ADAMTS2: variants seen among roughly 807,000 people sequenced by gnomAD.
ADAMTS2 encodes the protein A disintegrin and metalloproteinase with thrombospondin motifs 2.
In ADAMTS2, 50 loss-of-function variants were observed where a neutral mutation model predicts 123.0. The observed-to-expected ratio is 0.41, with a 90% CI of 0.32 to 0.51. The LOEUF (loss-of-function observed/expected upper bound fraction) is 0.51, where lower values mean the gene tolerates loss of function less well. Among genes scored for constraint, ADAMTS2 ranks in the 20% least tolerant of loss-of-function variants. ADAMTS2 has a pLI of 0.35. For synonymous variants in ADAMTS2, 678 were observed against 695.4 expected (o/e 0.98, Z 0.39); for missense variants, 1,494 against 1,705.2 (o/e 0.88, Z 2.18).
rs563742467 is a variant in ADAMTS2 at position 179,303,415 on chromosome 5, C to A, written c.535-30351G>T. Among the ~76,000 whole-genome samples the A allele has an allele frequency of 1.3e-5, 2 of 152,148 alleles. No homozygotes were observed. The highest frequency in any genetic ancestry group is 2.9e-5 in the Non-Finnish European group (2 of 68,022). ...GCTGAGGACCCTGCAAAATAAATAACAGCATGCAGATTGGGGAAGAAGACT... is the reference window on the plus strand; with the variant it reads ...GCTGAGGACCCTGCAAAATAAATAAAAGCATGCAGATTGGGGAAGAAGACT... On this transcript the variant is annotated intron_variant, in intron 2 of 21. Coordinates refer to ENST00000251582, the MANE Select transcript of ADAMTS2 (RefSeq NM_014244.5). This position sits in a 1 kb window ranked among gnomAD's most constrained non-coding sequence, Gnocchi z 4.7.
chr5:179,192,907 A>G (rs1001073601), intron 4 of ADAMTS2, among the ~76,000 whole-genome samples: 1 of 152,190 alleles, frequency 6.6e-6, no homozygotes, highest in Non-Finnish European at 1.5e-5. Context: ...CTGGGTGCTC[A>G]GTACTCCCGT....
rs1489864527 is a variant in ADAMTS2, at chr5:179,162,811, T to C, written c.976-3932A>G. Among the ~76,000 whole-genome samples, 1 of 152,228 alleles carries C rather than the reference T, an allele frequency of 6.6e-6. No homozygotes were observed. Among genetic ancestry groups the C allele is most frequent in the African/African-American group, 2.4e-5 (1 of 41,466 alleles). ...AAGTTCCTCTCCTTGTGAAAGCCAA[T>C]TCTGAGTTGTGCTCTTGTCACTTGC... On this transcript the variant is annotated intron_variant, in intron 5 of 21. Transcript: ENST00000251582. The surrounding 1 kb of genome is among the most constrained non-coding windows in gnomAD (Gnocchi z 5.1).
chr5:179,323,255 C>A (rs420843), intron 2 of ADAMTS2, among the ~76,000 whole-genome samples: 2 of 152,090 alleles, frequency 1.3e-5, no homozygotes, highest in Admixed American at 1.3e-4. Context: ...TAAATAGCTG[C>A]GAAGGGAAAT....
intron 2 of ADAMTS2, among the ~76,000 whole-genome samples, chr5:179,319,416 CA>C (rs200201124): frequency 0.013 from 2,028 of 152,256 alleles, 38 homozygotes; most frequent in African/African-American, 0.046. Flanking sequence ...ATGCATGCAT[CA>C]AGCACATGCA....
Position 179,345,459 on chromosome 5 carries a change from G to A in ADAMTS2, c.-131C>T. On this transcript the variant is annotated 5_prime_UTR_variant, in exon 1 of 22. Transcript: ENST00000251582. The surrounding 1 kb of genome is among the most constrained non-coding windows in gnomAD (Gnocchi z 7.5). Reference sequence around the variant, plus strand: ...GCACCGCAGGGCGCGGGGCGGAGGAGGCGAGGCGCGGAGGGGCGGGCGGGG... The same window carrying A: ...GCACCGCAGGGCGCGGGGCGGAGGAAGCGAGGCGCGGAGGGGCGGGCGGGG... 1 of 862,102 alleles carries A rather than the reference G, an allele frequency of 1.2e-6. No individual in the cohort carries two copies. The highest frequency in any genetic ancestry group is 1.4e-6 in the Non-Finnish European group (1 of 701,270). 53.4% of individuals were successfully genotyped at this position (862,102 alleles called of 1,614,324 possible).
intron 2 of ADAMTS2, among the ~76,000 whole-genome samples, chr5:179,328,406 G>A (rs1166313684): frequency 1.3e-5 from 2 of 152,238 alleles, no homozygotes; most frequent in South Asian, 4.1e-4. Flanking sequence ...CAGAGAGACT[G>A]CTTTGCTAAG....
At chr5:179,318,979 C>T (rs1757080139) in intron 2 of ADAMTS2, among the ~76,000 whole-genome samples, 1 of 152,228 alleles carries the variant, frequency 6.6e-6, no homozygotes, top group African/African-American at 2.4e-5. Flanking sequence ...CGCTATTTCT[C>T]TCCTGTCTTC....
chr5:179,254,977 G>A (rs1164317635), intron 3 of ADAMTS2, among the ~76,000 whole-genome samples: 1 of 151,940 alleles, frequency 6.6e-6, no homozygotes, highest in African/African-American at 2.4e-5. Flanking sequence ...ATGAATGAGT[G>A]TGTAGATGAA....
intron 3 of ADAMTS2, among the ~76,000 whole-genome samples, chr5:179,232,979 G>A (rs1765442981): frequency 6.6e-6 from 1 of 152,156 alleles, no homozygotes; most frequent in South Asian, 2.1e-4. Flanking sequence ...ATGAAATTAT[G>A]CACGACCATG....
chr5:179,122,724 C>T lies in ADAMTS2; in HGVS notation c.3008G>A (p.Arg1003His), dbSNP rs2113181685. 2.6e-6 allele frequency: 4 copies of T among 1,552,790 alleles called. No homozygotes were observed. Among genetic ancestry groups the T allele is most frequent in the Middle Eastern group, 3.3e-4 (2 of 5,982 alleles). ...NGTQERPVLC[R>H]TADDSFGICQ... ...GATGCCGAAGCTGTCGTCCGCGGTG[C>T]GGCAGAGCACTGGCCGCTCCTGGGT... Residue 1003 changes from arginine to histidine, a missense_variant, in exon 20 of 22, where the codon CGC becomes CAC. This residue lies in a region of ADAMTS2 where 953 missense variants were observed against 1,124.7 expected (regional missense o/e 0.85). Transcript: ENST00000251582.
At chr5:179,174,890 C>A (rs1199137515) in intron 5 of ADAMTS2, among the ~76,000 whole-genome samples, 1 of 70,080 alleles carries the variant, frequency 1.4e-5, no homozygotes, top group Non-Finnish European at 2.9e-5. Context: ...GCTTGGGTTC[C>A]GCAGCTGTCT....
chr5:179,334,772 A>T (rs576314199), intron 2 of ADAMTS2, among the ~76,000 whole-genome samples: 1 of 152,222 alleles, frequency 6.6e-6, no homozygotes, highest in Admixed American at 6.5e-5. Context: ...GTTCTATAAA[A>T]ATCAGTAGCC....
chr5:179,128,110 C>A lies in ADAMTS2; in HGVS notation c.2466G>T (p.Pro822=), dbSNP rs377085746. ...LHGTITVLVI[P]VGDTRVSLTY... ...TCAGTGAGACCCGGGTGTCTCCCAC[C>A]GGGATGACCTGTGCCAGCCCAAGAG... Residue 822 remains proline, a synonymous_variant, in exon 17 of 22, where the codon CCG becomes CCT. Transcript: ENST00000251582. The surrounding 1 kb of genome is among the most constrained non-coding windows in gnomAD (Gnocchi z 4.9). 1 of 1,613,490 alleles carries A rather than the reference C, an allele frequency of 6.2e-7. No homozygotes were observed. Among genetic ancestry groups the A allele is most frequent in the Non-Finnish European group, 8.5e-7 (1 of 1,180,014 alleles).
At chr5:179,127,431 G>A (rs1370401081) in intron 17 of ADAMTS2, among the ~76,000 whole-genome samples, 1 of 152,126 alleles carries the variant, frequency 6.6e-6, no homozygotes, top group African/African-American at 2.4e-5. Flanking sequence ...GCCCCCAGGA[G>A]CACGCAGAAC....
intron 3 of ADAMTS2, among the ~76,000 whole-genome samples, chr5:179,215,277 T>C (rs1306074712): frequency 6.6e-6 from 1 of 152,068 alleles, no homozygotes; most frequent in Non-Finnish European, 1.5e-5. Flanking sequence ...GGAGAAACCC[T>C]ATCTCTACTA....
In ADAMTS2 at chr5:179,247,667, G is replaced by A. The variant is rs74718932; in HGVS notation, c.688+25244C>T. On this transcript the variant is annotated intron_variant, in intron 3 of 21. Coordinates refer to ENST00000251582, the MANE Select transcript of ADAMTS2 (RefSeq NM_014244.5). ...TGCCACATATACAAGGGCTCTCAAT[G>A]AGCTTAACAACTGATTTGTCATCAG... Among the ~76,000 whole-genome samples, 1,425 of 152,212 alleles carry A rather than the reference G, an allele frequency of 9.4e-3. 16 individuals are homozygous for A. Among genetic ancestry groups the A allele is most frequent in the Middle Eastern group, 0.031 (9 of 294 alleles).
intron 2 of ADAMTS2, among the ~76,000 whole-genome samples, chr5:179,290,283 G>C (rs1485869014): frequency 6.6e-6 from 1 of 152,122 alleles, no homozygotes; most frequent in Admixed American, 6.5e-5. Flanking sequence ...CACTCCCTGG[G>C]TTTCCCTTCT....
In ADAMTS2 at chr5:179,345,420, C is replaced by T. The variant is rs1469126406; in HGVS notation, c.-92G>A. ...GCCCACATCTGGGGGCAGCTGGAGC[C>T]GCCCGCAGCTGCAGCACCGCAGGGC... is the stretch of plus-strand genomic sequence containing the variant. On this transcript the variant is annotated 5_prime_UTR_variant, in exon 1 of 22. Transcript: ENST00000251582. The surrounding 1 kb of genome is among the most constrained non-coding windows in gnomAD (Gnocchi z 7.5). 4.9e-6 allele frequency: 5 copies of T among 1,021,258 alleles called. No individual in the cohort carries two copies. Among genetic ancestry groups the T allele is most frequent in the Non-Finnish European group, 5.9e-6 (5 of 847,662 alleles). The allele number at this position is 1,021,258 out of a possible 1,614,324, so 63.3% of individuals were successfully genotyped here. A position where few individuals can be genotyped will look rare whatever the true frequency, so the allele number is the denominator to read the frequency against.
At chr5:179,152,316 C>T (rs1222112117) in intron 9 of ADAMTS2, 61 bp from the exon 10 acceptor site, 6 of 1,515,670 alleles carry the variant, frequency 4.0e-6, no homozygotes, top group Non-Finnish European at 5.5e-6. Context: ...CCAGGGATGC[C>T]ACCCACCCCC....
Sources: gnomAD v4.1 joint callset for allele counts (sites outside exome capture counted in the v4.1 genomes callset) on GRCh38, gnomAD v4.1.1 for gene constraint, gnomAD v4.1.1 regional missense constraint, Gnocchi (gnomAD v3.1) non-coding constraint, MANE v1.5 for transcripts, NCBI Gene and HGNC (gene_info 2026-07-23, HGNC 2026-07-21) for gene names.